The following SPTBN5 variants were observed in gnomAD, a reference collection of about 807,000 sequenced individuals.
SPTBN5 encodes spectrin beta chain, non-erythrocytic 5.
SPTBN5 carries 513 observed loss-of-function variants against 477.6 expected under a neutral mutation model. The ratio of observed to expected loss-of-function variants is 1.07; its 90% confidence interval spans 1.00 to 1.16. The LOEUF (loss-of-function observed/expected upper bound fraction) is 1.16, where lower values mean the gene tolerates loss of function less well. Ranked by LOEUF, SPTBN5 falls within the 50% of genes most tolerant of loss-of-function variation. SPTBN5 has a pLI of 0.00. For synonymous variants in SPTBN5, 2,169 were observed against 2,011.7 expected (o/e 1.08, Z -2.09); for missense variants, 5,062 against 4,731.8 (o/e 1.07, Z -2.05).
At position 41,881,904 on chromosome 15, in the gene SPTBN5, G is replaced by T; in HGVS notation, c.2457+32C>A. 2.0e-6 allele frequency: 3 copies of T among 1,509,344 alleles called. No homozygotes were observed. In the South Asian group the frequency reaches 3.7e-5, roughly 18 times the overall value. The allele number at this position is 1,509,344 out of a possible 1,614,324, so 93.5% of individuals were successfully genotyped here. On this transcript the variant is annotated intron_variant, in intron 12 of 67. Transcript: ENST00000320955. ...GGCCCAGCCGCGGTGGAGCAAGGGA[G>T]ACCAGGCGCCCTTCCCTGTCCCCGT...
chr15:41,866,368 C>T lies in SPTBN5; in HGVS notation c.6606G>A (p.Glu2202=). 1 of 1,608,172 alleles carries T rather than the reference C, an allele frequency of 6.2e-7. No individual in the cohort carries two copies. The highest frequency in any genetic ancestry group is 1.3e-5 in the African/African-American group (1 of 74,806). ...CCTTGGCAACAGAGGTCATGACCTC[C>T]TCATGGGCCTGGACTTCAGCCTCAA... is the stretch of plus-strand genomic sequence containing the variant. ...QAFEAEVQAH[E]EVMTSVAKKG... The change falls in exon 37 of 68, where the codon GAG becomes GAA. Residue 2202 remains glutamate, a synonymous_variant. Transcript: ENST00000320955.
At chr15:41,849,139 A>G (rs565443242) in intron 67 of SPTBN5, among the ~76,000 whole-genome samples, 26 of 152,326 alleles carry the variant, frequency 1.7e-4, no homozygotes, top group African/African-American at 6.0e-4. Flanking sequence ...GCCTGTCTCC[A>G]GTCCCTCCTC....
intron 39 of SPTBN5, among the ~76,000 whole-genome samples, chr15:41,865,179 T>TC (rs2066257615): frequency 6.6e-6 from 1 of 152,222 alleles, no homozygotes; most frequent in African/African-American, 2.4e-5. Context: ...GCCATTTTTT[T>TC]CCCCTGTATA....
At chr15:41,870,392 C>T (rs530912654) in intron 30 of SPTBN5, 39 bp from the exon 31 acceptor site, 9 of 1,603,914 alleles carry the variant, frequency 5.6e-6, no homozygotes, top group Non-Finnish European at 7.7e-6. Flanking sequence ...AGGGATGGAG[C>T]GTGGGCACTG....
Position 41,860,095 on chromosome 15 carries a change from G to T in SPTBN5, c.7988+491C>A, listed in dbSNP as rs374364693. On this transcript the variant is annotated intron_variant, in intron 47 of 67. Coordinates refer to ENST00000320955, the MANE Select transcript of SPTBN5 (RefSeq NM_016642.4). The stretch of plus-strand genomic sequence containing the variant: ...ATCTGTGTCTGAACTTCAGTTAGAT[G>T]AACTAAGACTTCTGCTAGCCTGCCT... Among the ~76,000 whole-genome samples, 16 of 152,344 alleles carry T rather than the reference G, an allele frequency of 1.1e-4. No homozygotes were observed. The South Asian group carries it at 3.3e-3, about 32-fold the overall frequency.
At chr15:41,879,947 T>A in intron 14 of SPTBN5, 83 bp from the exon 15 acceptor site, 1 of 1,556,806 alleles carries the variant, frequency 6.4e-7, no homozygotes, top group South Asian at 1.2e-5. Context: ...ACCTGAGTGG[T>A]GCTCTCTGCT....
rs867683094 is a variant in SPTBN5, at chr15:41,865,842, C to T, written c.6884G>A (p.Arg2295Gln). ...QDLEHCLQLR[R>Q]RLREFRGNSA... ...GTTTCCTCGGAACTCGCGGAGCCGC[C>T]GTCGGAGCTGCAGGCAGTGCTCCAG... Residue 2295 changes from arginine to glutamine, a missense_variant, in exon 39 of 68, where the codon CGG (arginine) becomes CAG (glutamine). Arg to Gln is a conservative substitution (Grantham distance 43). Coordinates refer to ENST00000320955, the MANE Select transcript of SPTBN5 (RefSeq NM_016642.4). The T allele has an allele frequency of 1.3e-5, 20 of 1,578,500 alleles. No individual in the cohort carries two copies. The highest frequency in any genetic ancestry group is 2.3e-5 in the South Asian group (2 of 85,792).
At chr15:41,878,667 C>A in intron 16 of SPTBN5, 38 bp from the exon 17 acceptor site, 1 of 1,577,222 alleles carries the variant, frequency 6.3e-7, no homozygotes, top group South Asian at 1.1e-5. Flanking sequence ...AGTGCCCTGT[C>A]CTGGGCCTGG....
chr15:41,892,635 T>C (rs996911679), intron 3 of SPTBN5, among the ~76,000 whole-genome samples: 8 of 152,252 alleles, frequency 5.3e-5, no homozygotes, highest in African/African-American at 1.7e-4. Flanking sequence ...GTCTCTCTTA[T>C]GACAGACAGT....
intron 51 of SPTBN5, 55 bp downstream of exon 51, chr15:41,857,182 GT>G: frequency 6.5e-7 from 1 of 1,544,116 alleles, no homozygotes; most frequent in Admixed American, 1.9e-5. Flanking sequence ...GAGGGCAGGG[GT>G]GGGGGTCCCT....
chr15:41,857,348 G>C lies in SPTBN5; in HGVS notation c.8511C>G (p.Asp2837Glu). The change falls in exon 51 of 68, where the codon GAC becomes GAG. Residue 2837 changes from aspartate to glutamate, a missense_variant. Asp to Glu is a conservative substitution (Grantham distance 45). Transcript: ENST00000320955. The stretch of plus-strand genomic sequence containing the variant: ...GTGCCTCAGCCTGCCTGGCCTTCTT[G>C]TCCACTGCTGCCTCCAGCTCCCTCT... ...GTQRELEAAVDKKARQAEALL... is the reference protein window; with the variant it reads ...GTQRELEAAVEKKARQAEALL... The C allele has an allele frequency of 6.4e-7, 1 of 1,572,364 alleles. No homozygotes were observed. The highest frequency in any genetic ancestry group is 1.4e-5 in the African/African-American group (1 of 74,016).
At position 41,855,729 on chromosome 15, in the gene SPTBN5, G is replaced by A; in HGVS notation, c.9038C>T (p.Ser3013Phe). The change falls in exon 54 of 68, where the codon TCC becomes TTC. Residue 3013 changes from serine (S) to phenylalanine (F), a missense_variant. Transcript: ENST00000320955. ...GACATGGCCCCGCTCAGCCAGCCAG[G>A]ATCCCGCCTCCAGGAGCTGGGGGTG... ...QFLTELLEAGSWLAERGHVLD... is the reference protein window; with the variant it reads ...QFLTELLEAGFWLAERGHVLD... 1.9e-6 allele frequency: 3 copies of A among 1,584,684 alleles called. No individual in the cohort carries two copies. Among genetic ancestry groups the A allele is most frequent in the Non-Finnish European group, 2.6e-6 (3 of 1,165,750 alleles).
chr15:41,850,844 T>C lies in SPTBN5; in HGVS notation c.10921+10A>G, dbSNP rs751652813. The C allele has an allele frequency of 2.5e-6, 4 of 1,586,956 alleles. No individual in the cohort carries two copies. Among genetic ancestry groups the C allele is most frequent in the Non-Finnish European group, 3.4e-6 (4 of 1,167,568 alleles). On this transcript the variant is annotated intron_variant, in intron 66 of 67. Transcript: ENST00000320955. ...GGCCGCCCTCCCCGCATCCTTCCCC[T>C]GAAGCCCACCTGCAGTGCTGCCCAG...
In SPTBN5 at chr15:41,856,876, G is replaced by A. The variant is rs1047077812; in HGVS notation, c.8785C>T (p.Arg2929Trp). 4 of 1,549,802 alleles carry A rather than the reference G, an allele frequency of 2.6e-6. No individual in the cohort carries two copies. Among genetic ancestry groups the A allele is most frequent in the East Asian group, 2.4e-5 (1 of 40,910 alleles). Residue 2929 changes from arginine (R) to tryptophan (W), a missense_variant, in exon 52 of 68, where the codon CGG becomes TGG. Arg to Trp is a moderately radical substitution (Grantham distance 101). Coordinates refer to ENST00000320955, the MANE Select transcript of SPTBN5 (RefSeq NM_016642.4). ...QDYGQSLSAVRHLQEQHQNLE... is the reference protein window; with the variant it reads ...QDYGQSLSAVWHLQEQHQNLE... ...ACCTGGTGCTGCTCCTGCAGGTGCCGCACCGCACTCAGGCTCTGGCCATAG... is the reference window on the plus strand; with the variant it reads ...ACCTGGTGCTGCTCCTGCAGGTGCCACACCGCACTCAGGCTCTGGCCATAG...
chr15:41,867,225 T>C (rs1227235725), intron 35 of SPTBN5, 99 bp from the exon 36 acceptor site: 15 of 1,354,756 alleles, frequency 1.1e-5, no homozygotes, highest in Middle Eastern at 5.3e-4. Flanking sequence ...CCCGGAGCCC[T>C]TTCCTCAGCC....
At chr15:41,870,661 T>G in intron 29 of SPTBN5, 101 bp from the exon 30 acceptor site, 1 of 971,900 alleles carries the variant, frequency 1.0e-6, no homozygotes, top group Non-Finnish European at 1.5e-6. Context: ...CTGAGTTGTA[T>G]CGGGACTTGC....
At chr15:41,865,034 G>C (rs963866854) in intron 39 of SPTBN5, among the ~76,000 whole-genome samples, 1 of 152,230 alleles carries the variant, frequency 6.6e-6, no homozygotes, top group Non-Finnish European at 1.5e-5. Flanking sequence ...ATCTGGCACA[G>C]CGTCTGTGAA....
At position 41,857,512 on chromosome 15, in the gene SPTBN5, G is replaced by T; in HGVS notation, c.8365-18C>A. ...CGCAGGGCCTAGGGTAGAAAGTGAGGTAGGCAGGAGGGGAGTGTCCTGGAG... is the reference window on the plus strand; with the variant it reads ...CGCAGGGCCTAGGGTAGAAAGTGAGTTAGGCAGGAGGGGAGTGTCCTGGAG... On this transcript the variant is annotated intron_variant, in intron 50 of 67. Coordinates refer to ENST00000320955, the MANE Select transcript of SPTBN5 (RefSeq NM_016642.4). The T allele has an allele frequency of 6.2e-7, 1 of 1,602,960 alleles. No homozygotes were observed. Among genetic ancestry groups the T allele is most frequent in the Non-Finnish European group, 8.5e-7 (1 of 1,171,970 alleles).
rs1464793607 is a variant in SPTBN5 at position 41,854,100 on chromosome 15, G to A, written c.9724C>T (p.His3242Tyr). The A allele has an allele frequency of 1.3e-6, 2 of 1,583,804 alleles. No homozygotes were observed. Among genetic ancestry groups the A allele is most frequent in the Non-Finnish European group, 8.6e-7 (1 of 1,166,264 alleles). Residue 3242 changes from histidine to tyrosine, a missense_variant, in exon 57 of 68, where the codon CAC (histidine) becomes TAC (tyrosine). Physicochemically the swap from His to Tyr is moderately conservative, Grantham distance 83 (BLOSUM62 2). Transcript: ENST00000320955. Reference protein sequence around the residue: ...TALMKGEDGGHSLSSVRTLQQ... With the variant: ...TALMKGEDGGYSLSSVRTLQQ... ...AGGGTCCGCACAGATGACAGGCTGT[G>A]GCCTCCGTCCTCCCCCTTCATCAGG...
Sources: allele counts gnomAD v4.1 joint callset (sites outside exome capture counted in the v4.1 genomes callset), GRCh38; gene constraint gnomAD v4.1.1; transcripts MANE v1.5; gene names NCBI Gene and HGNC (gene_info 2026-07-23, HGNC 2026-07-21).